The following FYCO1 variants were observed in gnomAD, a reference collection of about 807,000 sequenced individuals.
FYCO1 encodes the protein FYVE and coiled-coil domain autophagy adaptor 1, also known as FYVE and coiled-coil domain-containing protein 1.
FYCO1 carries 122 observed loss-of-function variants against 165.1 expected under a neutral mutation model. That is an observed-to-expected ratio of 0.74 (90% CI 0.64 to 0.86). FYCO1 has a LOEUF of 0.86. Ranked by LOEUF, FYCO1 falls within the 40% of genes least tolerant of loss-of-function variation. The pLI is 0.00. For synonymous variants in FYCO1, 648 were observed against 742.5 expected (o/e 0.87, Z 2.07); for missense variants, 1,702 against 1,810.3 (o/e 0.94, Z 1.09).
intron 13 of FYCO1, among the ~76,000 whole-genome samples, chr3:45,956,832 G>C (rs1032447071): frequency 4.6e-5 from 7 of 152,164 alleles, no homozygotes; most frequent in African/African-American, 1.7e-4. Context: ...AACTGAACTA[G>C]AGATTCAATG....
Position 45,993,234 on chromosome 3 carries a change from G to T in FYCO1, c.-113+2488C>A, listed in dbSNP as rs956091369. Among the ~76,000 whole-genome samples the T allele has an allele frequency of 6.6e-6, 1 of 152,202 alleles. No homozygotes were observed. ...TCCAAGTGAACAGGAAGGACCACTG[G>T]AAGTTACTAAAATCAACAGGTTGAC... On this transcript the variant is annotated intron_variant, in intron 1 of 17. Coordinates refer to ENST00000296137, the MANE Select transcript of FYCO1 (RefSeq NM_024513.4). This position sits in a 1 kb window ranked among gnomAD's most constrained non-coding sequence, Gnocchi z 4.4.
intron 14 of FYCO1, among the ~76,000 whole-genome samples, chr3:45,937,739 G>A (rs1296319361): frequency 6.6e-6 from 1 of 152,212 alleles, no homozygotes; most frequent in Non-Finnish European, 1.5e-5. Context: ...GCCACCAGGG[G>A]CATGTCTTGT....
intron 2 of FYCO1, among the ~76,000 whole-genome samples, chr3:45,984,203 A>T (rs191723482): frequency 2.1e-4 from 32 of 152,336 alleles, no homozygotes; most frequent in Non-Finnish European, 2.6e-4. Context: ...ACAGCATCTG[A>T]AAGAGTGAAA....
chr3:45,963,220 G>T, intron 10 of FYCO1, among the ~76,000 whole-genome samples: 1 of 152,070 alleles, frequency 6.6e-6, no homozygotes, highest in East Asian at 1.9e-4. Context: ...CAGCATATGT[G>T]TGTGCTTGCA....
intron 11 of FYCO1, among the ~76,000 whole-genome samples, chr3:45,959,974 G>T (rs1175903121): frequency 6.6e-6 from 1 of 152,180 alleles, no homozygotes; most frequent in Non-Finnish European, 1.5e-5. Context: ...TTCTATGGTT[G>T]ATCCAAGTAA....
chr3:45,936,555 C>A lies in FYCO1; in HGVS notation c.3945-12G>T, dbSNP rs769284834. The A allele has an allele frequency of 1.9e-6, 3 of 1,566,702 alleles. No individual in the cohort carries two copies. The highest frequency in any genetic ancestry group is 1.8e-6 in the Non-Finnish European group (2 of 1,137,012). On this transcript the variant is annotated splice_polypyrimidine_tract_variant and intron_variant, in intron 14 of 17. Transcript: ENST00000296137. ...TTGATGTAGTATCCCTGAAATGTCACAAATGAGAACACAGTCATTTAGCTA... is the reference window on the plus strand; with the variant it reads ...TTGATGTAGTATCCCTGAAATGTCAAAAATGAGAACACAGTCATTTAGCTA...
At chr3:45,958,686 C>A in intron 12 of FYCO1, 67 bp from the exon 13 acceptor site, 1 of 1,500,996 alleles carries the variant, frequency 6.7e-7, no homozygotes, top group Non-Finnish European at 9.3e-7. Context: ...TGCTCAGCAC[C>A]CAAACTGGGC....
intron 16 of FYCO1, among the ~76,000 whole-genome samples, chr3:45,928,323 C>G (rs1261745735): frequency 6.6e-6 from 1 of 152,244 alleles, no homozygotes; most frequent in Non-Finnish European, 1.5e-5. Flanking sequence ...CCCACCCCAA[C>G]AGGCCATCGA....
At chr3:45,930,366 C>G (rs967737910) in intron 16 of FYCO1, among the ~76,000 whole-genome samples, 22 of 152,150 alleles carry the variant, frequency 1.4e-4, no homozygotes, top group Admixed American at 4.6e-4. Context: ...CCCATGGAGC[C>G]CTGCCCAACC....
chr3:45,967,386 G>A lies in FYCO1; in HGVS notation c.1948C>T (p.Gln650Ter). The change falls in exon 8 of 18, where the codon CAG becomes TAG. Residue 650 changes from glutamine to a stop codon, truncating the protein, a stop_gained. Coordinates refer to ENST00000296137, the MANE Select transcript of FYCO1 (RefSeq NM_024513.4). LOFTEE classifies it high-confidence loss of function. Reference sequence around the variant, plus strand: ...CCCTGGATGGCTGATTCCCGCTGCTGCAAAGCCTGGTAATCGGCCTGCAGG... The same window carrying A: ...CCCTGGATGGCTGATTCCCGCTGCTACAAAGCCTGGTAATCGGCCTGCAGG... Reference protein sequence around the residue: ...QALQADYQALQQRESAIQGSL... With the variant: ...QALQADYQAL 8 of 1,611,376 alleles carry A rather than the reference G, an allele frequency of 5.0e-6. No homozygotes were observed. Among genetic ancestry groups the A allele is most frequent in the South Asian group, 1.1e-5 (1 of 91,022 alleles).
intron 14 of FYCO1, chr3:45,941,082 G>A (rs1221970876): frequency 2.0e-5 from 3 of 152,366 alleles, no homozygotes; most frequent in African/African-American, 4.8e-5. Flanking sequence ...CAGGTCTGCC[G>A]GCTATGTTGC....
At position 45,951,136 on chromosome 3, in the gene FYCO1, CAAGGT is replaced by C. The variant is rs1168924504; in HGVS notation, c.3944+4108_3944+4112del. Among the ~76,000 whole-genome samples, 4 of 152,104 alleles carry C rather than the reference CAAGGT, an allele frequency of 2.6e-5. No individual in the cohort carries two copies. In the East Asian group the frequency reaches 7.7e-4, roughly 29 times the overall value. ...CAGGAGACGACTGGGCTGCGCAGTG[CAAGGT>C]ACTGAGGTGGTAGCAGTAGCACACA... On this transcript the variant is annotated intron_variant, in intron 14 of 17. Coordinates refer to ENST00000296137, the MANE Select transcript of FYCO1 (RefSeq NM_024513.4).
chr3:45,952,604 C>T (rs7641723), intron 14 of FYCO1, among the ~76,000 whole-genome samples: 293 of 152,328 alleles, frequency 1.9e-3, no homozygotes, highest in African/African-American at 6.9e-3. Context: ...TGGCAGTTTC[C>T]TTTCCCTGGA....
In FYCO1 at chr3:45,984,923, T is replaced by G; in HGVS notation, c.-13A>C. On this transcript the variant is annotated 5_prime_UTR_variant, in exon 2 of 18. Transcript: ENST00000296137. ...TGGTGGAGGCCATGGTGAGTTTGCC[T>G]TTCTTGTCTGTATGTCTCCTGCCTG... 1 of 1,614,142 alleles carries G rather than the reference T, an allele frequency of 6.2e-7. No homozygotes were observed. Among genetic ancestry groups the G allele is most frequent in the South Asian group, 1.1e-5 (1 of 91,078 alleles).
intron 11 of FYCO1, among the ~76,000 whole-genome samples, chr3:45,960,321 C>T (rs936446909): frequency 6.6e-6 from 1 of 152,194 alleles, no homozygotes; most frequent in Admixed American, 6.5e-5. Flanking sequence ...ATGTGACACC[C>T]GAGCCACTCA....
rs201265257 is a variant in FYCO1, at chr3:45,967,519, C to T, written c.1815G>A (p.Val605=). 6.2e-6 allele frequency: 10 copies of T among 1,613,826 alleles called. No individual in the cohort carries two copies. Among genetic ancestry groups the T allele is most frequent in the Non-Finnish European group, 8.5e-6 (10 of 1,179,978 alleles). Residue 605 remains valine (V), a synonymous_variant, in exon 8 of 18, where the codon GTG becomes GTA. Coordinates refer to ENST00000296137, the MANE Select transcript of FYCO1 (RefSeq NM_024513.4). ...LQEAQLDDTK[V]QEGSQEEELR... is the part of the protein sequence containing the mutation. ...GCTCTTCCTCCTGGCTGCCCTCTTG[C>T]ACCTTGGTATCGTCTAACTGTGCCT...
In FYCO1 at chr3:45,968,445, C is replaced by T. The variant is rs759548383; in HGVS notation, c.889G>A (p.Glu297Lys). The T allele has an allele frequency of 2.1e-5, 34 of 1,613,990 alleles. No homozygotes were observed. Among genetic ancestry groups the T allele is most frequent in the Non-Finnish European group, 2.8e-5 (33 of 1,180,026 alleles). ...DNVRLTCLVAELQKQWEVTQA... is the reference protein window; with the variant it reads ...DNVRLTCLVAKLQKQWEVTQA... The stretch of plus-strand genomic sequence containing the variant: ...GTGACCTCCCACTGCTTCTGGAGCT[C>T]AGCTACCAAGCAAGTGAGGCGAACG... Residue 297 changes from glutamate (E) to lysine (K), a missense_variant, in exon 8 of 18, where the codon GAG becomes AAG. By Grantham distance (56) the Glu-to-Lys change is moderately conservative (BLOSUM62 1). Coordinates refer to ENST00000296137, the MANE Select transcript of FYCO1 (RefSeq NM_024513.4).
In FYCO1 at chr3:45,964,316, G is replaced by T; in HGVS notation, c.3269+20C>A. The stretch of plus-strand genomic sequence containing the variant: ...TTCCCTGAAGACTACCGACAGCTAC[G>T]TAGGTGGACTGTGACTAACCTTTCT... On this transcript the variant is annotated intron_variant, in intron 10 of 17. Coordinates refer to ENST00000296137, the MANE Select transcript of FYCO1 (RefSeq NM_024513.4). The surrounding 1 kb of genome is among the most constrained non-coding windows in gnomAD (Gnocchi z 4.1). 3 of 1,557,810 alleles carry T rather than the reference G, an allele frequency of 1.9e-6. No individual in the cohort carries two copies. The highest frequency in any genetic ancestry group is 2.7e-6 in the Non-Finnish European group (3 of 1,128,590).
intron 1 of FYCO1, among the ~76,000 whole-genome samples, chr3:45,985,821 G>T (rs1483419499): frequency 4.6e-5 from 7 of 152,254 alleles, no homozygotes; most frequent in Non-Finnish European, 8.8e-5. Flanking sequence ...AAGTTAAAGA[G>T]ATGTGAGCAC....
Sources: allele counts gnomAD v4.1 joint callset (sites outside exome capture counted in the v4.1 genomes callset), GRCh38; gene constraint gnomAD v4.1.1; non-coding constraint Gnocchi (gnomAD v3.1); transcripts MANE v1.5; gene names NCBI Gene and HGNC (gene_info 2026-07-23, HGNC 2026-07-21).